The following NDST3 variants were observed in gnomAD, a reference collection of about 807,000 sequenced individuals.
NDST3 encodes N-deacetylase and N-sulfotransferase 3, also known as bifunctional heparan sulfate N-deacetylase/N-sulfotransferase 3.
In NDST3, 58 loss-of-function variants were observed where a neutral mutation model predicts 96.1. The ratio of observed to expected loss-of-function variants is 0.60; its 90% CI spans 0.49 to 0.75. The LOEUF (loss-of-function observed/expected upper bound fraction) is 0.75, where lower values mean the gene tolerates loss of function less well. Among genes scored for constraint, NDST3 ranks in the 30% least tolerant of loss-of-function variants. The pLI is 0.00. For missense variants in NDST3, 788 were observed against 1,034.2 expected (o/e 0.76, Z 3.27); for synonymous variants, 333 against 359.7 (o/e 0.93, Z 0.84).
At chr4:118,065,143 T>C (rs1256652656) in intron 2 of NDST3, among the ~76,000 whole-genome samples, 1 of 152,106 alleles carries the variant, frequency 6.6e-6, no homozygotes, top group Admixed American at 6.6e-5. Flanking sequence ...ATGGATTTCT[T>C]GGCGGGGGAG....
chr4:118,046,898 G>A (rs368293133), intron 1 of NDST3, among the ~76,000 whole-genome samples: 3 of 136,706 alleles, frequency 2.2e-5, no homozygotes, highest in African/African-American at 7.7e-5. Flanking sequence ...CTGCAACTTC[G>A]GACCAGGGAG....
intron 4 of NDST3, among the ~76,000 whole-genome samples, chr4:118,128,695 C>A (rs1479720335): frequency 6.6e-6 from 1 of 151,858 alleles, no homozygotes; most frequent in African/African-American, 2.4e-5. Flanking sequence ...ATAATACTGG[C>A]CTCATAGAAT....
chr4:118,153,254 A>G (rs1734517482), intron 6 of NDST3, among the ~76,000 whole-genome samples: 3 of 152,108 alleles, frequency 2.0e-5, no homozygotes, highest in Admixed American at 6.6e-5. Context: ...TCATTTTATT[A>G]TATGTATTGC....
chr4:118,171,508 T>C (rs1259762386), intron 6 of NDST3, among the ~76,000 whole-genome samples: 1 of 150,004 alleles, frequency 6.7e-6, no homozygotes, highest in African/African-American at 2.5e-5. Context: ...CCACTGGGGT[T>C]TTTTTGTCTG....
chr4:118,156,547 T>A (rs534044397), intron 6 of NDST3, among the ~76,000 whole-genome samples: 1 of 152,210 alleles, frequency 6.6e-6, no homozygotes, highest in Admixed American at 6.5e-5. Flanking sequence ...CATGACTACA[T>A]ACATACTATC....
At chr4:118,195,119 T>G (rs1008665357) in intron 6 of NDST3, among the ~76,000 whole-genome samples, 2 of 152,226 alleles carry the variant, frequency 1.3e-5, no homozygotes, top group African/African-American at 4.8e-5. Context: ...ACAAAATTGA[T>G]TCTTCCCATC....
At chr4:118,057,729 T>C (rs1315411047) in intron 2 of NDST3, among the ~76,000 whole-genome samples, 1 of 152,038 alleles carries the variant, frequency 6.6e-6, no homozygotes, top group Non-Finnish European at 1.5e-5. Context: ...AATGGAATGA[T>C]AGAGACCGAA....
chr4:118,056,872 A>C (rs1725477904), intron 2 of NDST3, among the ~76,000 whole-genome samples: 1 of 151,988 alleles, frequency 6.6e-6, no homozygotes. Context: ...ACAATAGCAA[A>C]CATATCGACA....
intron 6 of NDST3, among the ~76,000 whole-genome samples, chr4:118,222,094 G>A (rs566333699): frequency 6.6e-6 from 1 of 151,390 alleles, no homozygotes; most frequent in African/African-American, 2.4e-5. Context: ...TCCTGAACTA[G>A]CAGCCTTTTC....
chr4:118,162,165 G>A (rs1290507452), intron 6 of NDST3, among the ~76,000 whole-genome samples: 1 of 152,074 alleles, frequency 6.6e-6, no homozygotes, highest in East Asian at 1.9e-4. Context: ...CATGAAAATG[G>A]CCATACTGCC....
At chr4:118,250,474 T>C (rs1211868997) in intron 12 of NDST3, among the ~76,000 whole-genome samples, 1 of 152,004 alleles carries the variant, frequency 6.6e-6, no homozygotes, top group African/African-American at 2.4e-5. Flanking sequence ...TTTGGTGAAG[T>C]GTCTGTTCCA....
At chr4:118,127,137 T>C (rs1252330782) in intron 4 of NDST3, among the ~76,000 whole-genome samples, 1 of 152,078 alleles carries the variant, frequency 6.6e-6, no homozygotes, top group African/African-American at 2.4e-5. Context: ...TCTCCCATTC[T>C]GTGGGTTGTC....
At chr4:118,052,694 C>G (rs963845905) in intron 1 of NDST3, among the ~76,000 whole-genome samples, 1 of 151,882 alleles carries the variant, frequency 6.6e-6, no homozygotes, top group East Asian at 1.9e-4. Context: ...GAGATATATA[C>G]ACAGTTTGCT....
At chr4:118,094,144 A>C (rs2125835111) in intron 2 of NDST3, among the ~76,000 whole-genome samples, 1 of 151,978 alleles carries the variant, frequency 6.6e-6, no homozygotes. Context: ...TGGGGAACAC[A>C]TTCAGACCAT....
intron 9 of NDST3, among the ~76,000 whole-genome samples, chr4:118,234,321 G>T (rs1048753957): frequency 2.0e-5 from 3 of 152,092 alleles, no homozygotes; most frequent in Non-Finnish European, 4.4e-5. Flanking sequence ...GCTGAGATGG[G>T]AGGATAACCT....
chr4:118,249,190 G>A (rs371820765), intron 12 of NDST3, among the ~76,000 whole-genome samples: 3 of 152,278 alleles, frequency 2.0e-5, no homozygotes, highest in East Asian at 1.9e-4. Flanking sequence ...TCTCTCAGAA[G>A]ACTACTCATT....
chr4:118,048,448 A>G (rs1027259629), intron 1 of NDST3, among the ~76,000 whole-genome samples: 1 of 152,184 alleles, frequency 6.6e-6, no homozygotes, highest in African/African-American at 2.4e-5. Context: ...AGATAAAAAG[A>G]CAAGACCCAA....
At chr4:118,210,313 TAATA>T (rs901422416) in intron 6 of NDST3, among the ~76,000 whole-genome samples, 2 of 152,108 alleles carry the variant, frequency 1.3e-5, no homozygotes, top group African/African-American at 4.8e-5. Context: ...GCCTTACAAC[TAATA>T]AATCCAAAGT....
intron 6 of NDST3, among the ~76,000 whole-genome samples, chr4:118,199,998 C>T (rs1737960412): frequency 1.3e-5 from 2 of 152,184 alleles, no homozygotes; most frequent in African/African-American, 2.4e-5. Context: ...GACCTGAAAC[C>T]AGCAGAGCAC....
Sources: allele counts gnomAD v4.1 joint callset (sites outside exome capture counted in the v4.1 genomes callset), GRCh38; gene constraint gnomAD v4.1.1; transcripts MANE v1.5; gene names NCBI Gene and HGNC (gene_info 2026-07-23, HGNC 2026-07-21).